BCAS4: variants seen among roughly 807,000 people sequenced by gnomAD.
BCAS4 encodes the protein breast carcinoma-amplified sequence 4.
A neutral mutation model predicts 15.7 loss-of-function variants in BCAS4; 9 were observed. That is an observed-to-expected ratio of 0.57 (90% CI 0.34 to 1.00). The LOEUF (loss-of-function observed/expected upper bound fraction) is 1.00. Among genes scored for constraint, BCAS4 ranks in the 50% least tolerant of loss-of-function variants. The pLI is 0.02. For missense variants in BCAS4, 225 were observed against 239.1 expected, an observed-to-expected ratio of 0.94 and a Z score of 0.39; for synonymous variants, 101 against 99.5, an observed-to-expected ratio of 1.02 and a Z score of -0.09.
At chr20:50,881,272 A>C (rs563300603), downstream of BCAS4, 11 of 152,278 alleles carry the variant, frequency 7.2e-5, no homozygotes, top group Non-Finnish European at 1.5e-5. Context: ...ATAGGTTAAA[A>C]ACATTGGCGA....
chr20:50,810,621 C>G (rs1456036760), intron 1 of BCAS4, among the ~76,000 whole-genome samples: 1 of 144,382 alleles, frequency 6.9e-6, no homozygotes, highest in Non-Finnish European at 1.5e-5. Flanking sequence ...GGAGTCGTCT[C>G]GCTCTGTCGC....
intron 4 of BCAS4, among the ~76,000 whole-genome samples, chr20:50,849,886 G>GT (rs1402344271): frequency 6.6e-6 from 1 of 152,190 alleles, no homozygotes; most frequent in Non-Finnish European, 1.5e-5. Flanking sequence ...CAGCACTTTG[G>GT]AAGGCCAAGG....
chr20:50,807,521 A>G (rs1403180333), intron 1 of BCAS4, among the ~76,000 whole-genome samples: 1 of 152,132 alleles, frequency 6.6e-6, no homozygotes, highest in Non-Finnish European at 1.5e-5. Context: ...TTTAATTTTA[A>G]TAGGTTTTTG....
intron 3 of BCAS4, among the ~76,000 whole-genome samples, chr20:50,832,282 G>A (rs2088352923): frequency 6.6e-6 from 1 of 151,122 alleles, no homozygotes; most frequent in Non-Finnish European, 1.5e-5. Flanking sequence ...TTTTTAGATG[G>A]AGTCTTGCTC....
chr20:50,812,232 A>T (rs2088074414), intron 1 of BCAS4, among the ~76,000 whole-genome samples: 2 of 147,026 alleles, frequency 1.4e-5, no homozygotes, highest in Admixed American at 6.8e-5. Context: ...TCCTGGGTTC[A>T]CGCCATTCTC....
At chr20:50,833,637 C>T (rs1370773690) in intron 3 of BCAS4, among the ~76,000 whole-genome samples, 1 of 152,210 alleles carries the variant, frequency 6.6e-6, no homozygotes, top group Non-Finnish European at 1.5e-5. Context: ...GTGCTGCTGC[C>T]TCCTAGTGTG....
downstream of BCAS4, chr20:50,880,704 G>A (rs1168446238): frequency 2.0e-5 from 3 of 152,098 alleles, no homozygotes; most frequent in South Asian, 2.1e-4. Context: ...AAGGCTCTTC[G>A]GTCAACCCCC....
intron 1 of BCAS4, among the ~76,000 whole-genome samples, chr20:50,807,739 C>T (rs1196002636): frequency 6.6e-6 from 1 of 152,016 alleles, no homozygotes; most frequent in African/African-American, 2.4e-5. Flanking sequence ...TTAGCTCTCA[C>T]TTACGAGTGA....
intron 1 of BCAS4, among the ~76,000 whole-genome samples, chr20:50,813,664 G>A (rs2088099672): frequency 6.6e-6 from 1 of 150,732 alleles, no homozygotes; most frequent in Non-Finnish European, 1.5e-5. Context: ...GAAGATCATG[G>A]GTGGAGGACC....
intron 3 of BCAS4, among the ~76,000 whole-genome samples, chr20:50,833,600 A>T (rs1004971742): frequency 2.6e-5 from 4 of 152,204 alleles, no homozygotes; most frequent in Non-Finnish European, 5.9e-5. Context: ...GCTGATCTAG[A>T]GCTGCATAGC....
At chr20:50,824,165 G>A (rs2088250145) in intron 2 of BCAS4, among the ~76,000 whole-genome samples, 1 of 152,240 alleles carries the variant, frequency 6.6e-6, no homozygotes, top group Non-Finnish European at 1.5e-5. Flanking sequence ...TCTGGGGTTT[G>A]GGTAGCTTGT....
chr20:50,854,872 G>A (rs1978668816), intron 4 of BCAS4, among the ~76,000 whole-genome samples: 2 of 152,230 alleles, frequency 1.3e-5, no homozygotes, highest in South Asian at 4.1e-4. Context: ...CCTGCCATGC[G>A]CTGATGTCGG....
intron 3 of BCAS4, among the ~76,000 whole-genome samples, chr20:50,837,107 GGTCCTGCTATTA>G (rs1422554646): frequency 6.6e-6 from 1 of 152,194 alleles, no homozygotes; most frequent in Non-Finnish European, 1.5e-5. Flanking sequence ...CCAGGAGCAA[GGTCCTGCTATTA>G]GTCTCATTTT....
At chr20:50,798,680 T>G (rs1020533254) in intron 1 of BCAS4, among the ~76,000 whole-genome samples, 2 of 152,154 alleles carry the variant, frequency 1.3e-5, no homozygotes, top group Non-Finnish European at 2.9e-5. Context: ...ACATTTGAAG[T>G]GTTCAGTAGT....
At chr20:50,843,999 C>T (rs2088513732) in intron 4 of BCAS4, among the ~76,000 whole-genome samples, 1 of 152,008 alleles carries the variant, frequency 6.6e-6, no homozygotes, top group African/African-American at 2.4e-5. Context: ...GAAAAGTTAG[C>T]TGGGCATGGT....
intron 4 of BCAS4, among the ~76,000 whole-genome samples, chr20:50,854,592 T>A (rs1978652591): frequency 6.6e-6 from 1 of 152,084 alleles, no homozygotes; most frequent in Non-Finnish European, 1.5e-5. Context: ...AGAAGAGGTG[T>A]CCCCAGGCTG....
At chr20:50,873,396 G>A (rs1479734971) in intron 4 of BCAS4, among the ~76,000 whole-genome samples, 1 of 152,196 alleles carries the variant, frequency 6.6e-6, no homozygotes, top group African/African-American at 2.4e-5. Context: ...TGGGTCCTCA[G>A]GACCAGGAGA....
intron 4 of BCAS4, among the ~76,000 whole-genome samples, chr20:50,859,265 A>G (rs1600895414): frequency 6.6e-6 from 1 of 152,270 alleles, no homozygotes; most frequent in African/African-American, 2.4e-5. Context: ...TTTTTGATTC[A>G]TGTTGGTTGA....
upstream of BCAS4, chr20:50,794,916 G>A: frequency 2.0e-6 from 2 of 1,023,596 alleles, no homozygotes; most frequent in Non-Finnish European, 2.4e-6. Context: ...CTGCCCGCTC[G>A]GCCCGGCGCT....
Sources: allele counts gnomAD v4.1 joint callset (sites outside exome capture counted in the v4.1 genomes callset), GRCh38; gene constraint gnomAD v4.1.1; transcripts MANE v1.5; gene names NCBI Gene and HGNC (gene_info 2026-07-23, HGNC 2026-07-21).